The following CLOCK variants were observed in gnomAD, a reference collection of about 807,000 sequenced individuals.
CLOCK encodes clock circadian regulator.
In CLOCK, 43 loss-of-function variants were observed where a neutral mutation model predicts 118.4. The ratio of observed to expected loss-of-function variants is 0.36; its 90% CI spans 0.28 to 0.47. CLOCK has a LOEUF of 0.47. CLOCK is among the 20% of genes least tolerant of loss of function. The pLI is 1.00. For missense variants in CLOCK, 846 were observed against 999.9 expected, an observed-to-expected ratio of 0.85 and a Z score of 2.08; for synonymous variants, 326 against 339.2, an observed-to-expected ratio of 0.96 and a Z score of 0.43.
chr4:55,468,369 T>C (rs1725881415), intron 8 of CLOCK, among the ~76,000 whole-genome samples: 1 of 152,150 alleles, frequency 6.6e-6, no homozygotes, highest in Non-Finnish European at 1.5e-5. Context: ...CCCAAAAGCC[T>C]ATCAGCTGTG....
intron 2 of CLOCK, among the ~76,000 whole-genome samples, chr4:55,496,673 G>A (rs1402062429): frequency 2.0e-5 from 3 of 152,136 alleles, no homozygotes; most frequent in Non-Finnish European, 4.4e-5. Context: ...TAAGGCTTCT[G>A]AAGATTATTT....
intron 9 of CLOCK, among the ~76,000 whole-genome samples, chr4:55,460,929 T>C (rs868051881): frequency 3.8e-5 from 2 of 52,162 alleles, no homozygotes; most frequent in Non-Finnish European, 7.6e-5. Flanking sequence ...TTTCCTCTCC[T>C]TTTTTTTTTT....
intron 1 of CLOCK, among the ~76,000 whole-genome samples, chr4:55,520,718 T>C (rs1254910976): frequency 2.0e-5 from 3 of 152,198 alleles, no homozygotes; most frequent in Admixed American, 6.5e-5. Flanking sequence ...GTATTTTAAA[T>C]ACTCTTTCTC....
At chr4:55,512,462 T>C (rs551251007) in intron 1 of CLOCK, among the ~76,000 whole-genome samples, 3 of 152,292 alleles carry the variant, frequency 2.0e-5, no homozygotes, top group African/African-American at 7.2e-5. Context: ...TAAGAGTCCA[T>C]TGTGTACTTT....
chr4:55,431,199 G>A lies in CLOCK; in HGVS notation c.*4216C>T, dbSNP rs1297109040. On this transcript the variant is annotated 3_prime_UTR_variant, in exon 23 of 23. Coordinates refer to ENST00000513440, the MANE Select transcript of CLOCK (RefSeq NM_004898.4). ...TTCCGTAAAGGATCCCCAGGCATGA[G>A]AGTTGGGTCTTCTCACCTGTCTCAT... The A allele has an allele frequency of 6.6e-6, 1 of 152,148 alleles. No homozygotes were observed. The highest frequency in any genetic ancestry group is 2.4e-5 in the African/African-American group (1 of 41,444). 9.4% of individuals were successfully genotyped at this position (152,148 alleles called of 1,614,324 possible).
At chr4:55,442,677 T>G in intron 20 of CLOCK, 43 bp from the exon 21 acceptor site, 2 of 1,509,462 alleles carry the variant, frequency 1.3e-6, no homozygotes, top group Non-Finnish European at 1.8e-6. Flanking sequence ...TAACTGAAAA[T>G]AATTATTTGG....
intron 1 of CLOCK, among the ~76,000 whole-genome samples, chr4:55,524,245 A>AC (rs1491297382): frequency 7.3e-5 from 11 of 151,018 alleles, no homozygotes; most frequent in East Asian, 2.0e-4. Context: ...ACACACACAC[A>AC]AAAAAAATTA....
At chr4:55,520,433 T>A (rs1443270664) in intron 1 of CLOCK, among the ~76,000 whole-genome samples, 1 of 152,206 alleles carries the variant, frequency 6.6e-6, no homozygotes. Context: ...GCAGATGAAC[T>A]GGTGAAAATT....
intron 9 of CLOCK, among the ~76,000 whole-genome samples, chr4:55,459,790 G>A (rs982058146): frequency 2.0e-5 from 3 of 152,114 alleles, no homozygotes; most frequent in African/African-American, 7.2e-5. Context: ...AGCCTCCCAA[G>A]TACGCAAGAC....
At chr4:55,534,054 G>C (rs1730724169) in intron 1 of CLOCK, among the ~76,000 whole-genome samples, 1 of 152,112 alleles carries the variant, frequency 6.6e-6, no homozygotes, top group African/African-American at 2.4e-5. Flanking sequence ...AATGTATAAA[G>C]AACCCAATAG....
chr4:55,431,983 C>T lies in CLOCK; in HGVS notation c.*3432G>A, dbSNP rs2109599747. The T allele has an allele frequency of 6.6e-6, 1 of 152,336 alleles. No homozygotes were observed. Among genetic ancestry groups the T allele is most frequent in the East Asian group, 1.9e-4 (1 of 5,186 alleles). The allele number at this position is 152,336 out of a possible 1,614,324, so 9.4% of individuals were successfully genotyped here. A position where few individuals can be genotyped will look rare whatever the true frequency, so the allele number is the denominator to read the frequency against. On this transcript the variant is annotated 3_prime_UTR_variant, in exon 23 of 23. Coordinates refer to ENST00000513440, the MANE Select transcript of CLOCK (RefSeq NM_004898.4). Reference sequence around the variant, plus strand: ...GCTTTAAGGCAATGACCAACAACTACAGCACTTCTGAAGACCAAACATTTT... The same window carrying T: ...GCTTTAAGGCAATGACCAACAACTATAGCACTTCTGAAGACCAAACATTTT...
intron 4 of CLOCK, among the ~76,000 whole-genome samples, chr4:55,481,268 C>T (rs1726918275): frequency 6.6e-6 from 1 of 152,046 alleles, no homozygotes; most frequent in South Asian, 2.1e-4. Flanking sequence ...CATGTAGGCC[C>T]TGAAATTTAT....
At position 55,458,971 on chromosome 4, in the gene CLOCK, T is replaced by C. The variant is rs1213958022; in HGVS notation, c.713A>G (p.Gln238Arg). The change falls in exon 11 of 23, where the codon CAA becomes CGA. Residue 238 changes from glutamine (Q) to arginine (R), a missense_variant. Transcript: ENST00000513440. Reference sequence around the variant, plus strand: ...TTCATAAGATGGCCTATGTGTGCGTTGTATAGTTCCTTCAAAACCATTGTG... The same window carrying C: ...TTCATAAGATGGCCTATGTGTGCGTCGTATAGTTCCTTCAAAACCATTGTG... ...SAHNGFEGTI[Q>R]RTHRPSYEDR... 1 of 1,613,890 alleles carries C rather than the reference T, an allele frequency of 6.2e-7. No homozygotes were observed. Among genetic ancestry groups the C allele is most frequent in the African/African-American group, 1.3e-5 (1 of 74,934 alleles).
At chr4:55,496,189 A>C (rs562722695) in intron 2 of CLOCK, among the ~76,000 whole-genome samples, 2 of 149,188 alleles carry the variant, frequency 1.3e-5, no homozygotes, top group South Asian at 4.3e-4. Context: ...AGGTCGTCTC[A>C]AAAAAAAAAG....
intron 8 of CLOCK, among the ~76,000 whole-genome samples, chr4:55,466,123 G>A (rs1725721520): frequency 6.6e-6 from 1 of 152,152 alleles, no homozygotes; most frequent in Non-Finnish European, 1.5e-5. Flanking sequence ...TAATCCCCAT[G>A]TGTCATGGGA....
At chr4:55,482,859 A>T (rs1188653066) in intron 3 of CLOCK, 31 bp from the exon 4 acceptor site, 7 of 1,077,760 alleles carry the variant, frequency 6.5e-6, no homozygotes, top group African/African-American at 1.6e-5. Flanking sequence ...AATGGTCATT[A>T]GTTTTCTAAA....
At chr4:55,520,708 G>T (rs1729800538) in intron 1 of CLOCK, among the ~76,000 whole-genome samples, 1 of 152,106 alleles carries the variant, frequency 6.6e-6, no homozygotes, top group South Asian at 2.1e-4. Flanking sequence ...AATTTTAGAG[G>T]TATTTTAAAT....
chr4:55,521,612 C>T (rs1546004), intron 1 of CLOCK, among the ~76,000 whole-genome samples: 114,714 of 152,218 alleles, frequency 0.75, 43,560 homozygotes, highest in East Asian at 0.9. Flanking sequence ...TACCATACCA[C>T]GGTGGTAACA....
intron 3 of CLOCK, among the ~76,000 whole-genome samples, chr4:55,488,602 C>T (rs1287281534): frequency 6.6e-6 from 1 of 152,160 alleles, no homozygotes; most frequent in African/African-American, 2.4e-5. Flanking sequence ...TTCTCACTAT[C>T]TATAAAGCTC....
Sources: allele counts gnomAD v4.1 joint callset (sites outside exome capture counted in the v4.1 genomes callset), GRCh38; gene constraint gnomAD v4.1.1; transcripts MANE v1.5; gene names NCBI Gene and HGNC (gene_info 2026-07-23, HGNC 2026-07-21).